PITPNM2: variants seen among roughly 807,000 people sequenced by gnomAD.
The protein encoded by PITPNM2 is membrane-associated phosphatidylinositol transfer protein 2.
Under a neutral mutation model 132.2 loss-of-function variants are expected in PITPNM2, and 35 were observed. The ratio of observed to expected loss-of-function variants is 0.26; its 90% CI spans 0.20 to 0.35. The LOEUF (loss-of-function observed/expected upper bound fraction) is 0.35, where lower values mean the gene tolerates loss of function less well. PITPNM2 is among the 10% of genes least tolerant of loss of function. The probability of loss-of-function intolerance (pLI) is 1.00; values close to 1 mark genes in which losing one functional copy is unlikely to be tolerated. For synonymous variants in PITPNM2, 738 were observed against 799.2 expected, an observed-to-expected ratio of 0.92 and a Z score of 1.29; for missense variants, 1,332 against 1,912.0, an observed-to-expected ratio of 0.70 and a Z score of 5.66.
chr12:123,045,735 G>A (rs2040631183), intron 2 of PITPNM2, among the ~76,000 whole-genome samples: 1 of 152,206 alleles, frequency 6.6e-6, no homozygotes, highest in Non-Finnish European at 1.5e-5. Context: ...TGTGCAGCCT[G>A]CAAGGAGCGC....
chr12:123,066,520 G>T (rs2041421872), intron 2 of PITPNM2, among the ~76,000 whole-genome samples: 1 of 152,130 alleles, frequency 6.6e-6, no homozygotes. Context: ...TGTTGGGGGT[G>T]GGGGCATGAA....
intron 2 of PITPNM2, among the ~76,000 whole-genome samples, chr12:123,109,792 G>C (rs1225336700): frequency 6.6e-6 from 1 of 152,216 alleles, no homozygotes; most frequent in Non-Finnish European, 1.5e-5. Flanking sequence ...GAGAATAGCA[G>C]CCGTTGGGGC....
At position 123,064,356 on chromosome 12, in the gene PITPNM2, A is replaced by T. The variant is rs1348052437; in HGVS notation, c.-95-29671T>A. Among the ~76,000 whole-genome samples the T allele has an allele frequency of 6.6e-6, 1 of 152,180 alleles. No individual in the cohort carries two copies. The highest frequency in any genetic ancestry group is 1.5e-5 in the Non-Finnish European group (1 of 68,030). Reference sequence around the variant, plus strand: ...CCAGGGTGACACCAAACCGATCCCAACCAGCACCCCAAGGCCTGCAGCCCA... The same window carrying T: ...CCAGGGTGACACCAAACCGATCCCATCCAGCACCCCAAGGCCTGCAGCCCA... On this transcript the variant is annotated intron_variant, in intron 2 of 25. Transcript: ENST00000320201. The surrounding 1 kb of genome is among the most constrained non-coding windows in gnomAD (Gnocchi z 4.0).
intron 2 of PITPNM2, among the ~76,000 whole-genome samples, chr12:123,072,748 C>A (rs1342157075): frequency 6.6e-6 from 1 of 152,214 alleles, no homozygotes; most frequent in African/African-American, 2.4e-5. Context: ...GCAGAGAGGG[C>A]CACAAAGCTG....
intron 2 of PITPNM2, among the ~76,000 whole-genome samples, chr12:123,086,696 C>T (rs1020571938): frequency 2.6e-5 from 4 of 152,304 alleles, no homozygotes; most frequent in Middle Eastern, 3.4e-3. Flanking sequence ...AGTGGAGCCC[C>T]GATTCAAATT....
intron 2 of PITPNM2, among the ~76,000 whole-genome samples, chr12:123,045,942 C>T (rs530942519): frequency 1.3e-5 from 2 of 152,204 alleles, no homozygotes; most frequent in East Asian, 3.9e-4. Context: ...CAGACCCAGC[C>T]GTCCCTGGGT....
At position 123,111,609 on chromosome 12, in the gene PITPNM2, G is replaced by A. The variant is rs141025836; in HGVS notation, c.-199-1121C>T. On this transcript the variant is annotated intron_variant, in intron 1 of 25. Coordinates refer to ENST00000320201, the MANE Select transcript of PITPNM2 (RefSeq NM_020845.3). The surrounding 1 kb of genome is among the most constrained non-coding windows in gnomAD (Gnocchi z 4.1). Reference sequence around the variant, plus strand: ...AGTGGGAGGTGTGGCTGCAGGGAGCGGGCGGCTCTTCCAACCCCGCCACCG... The same window carrying A: ...AGTGGGAGGTGTGGCTGCAGGGAGCAGGCGGCTCTTCCAACCCCGCCACCG... 6.3e-3 allele frequency among the ~76,000 whole-genome samples: 960 copies of A among 152,290 alleles called. 17 individuals carry two copies. Among genetic ancestry groups the A allele is most frequent in the South Asian group, 0.047 (228 of 4,828 alleles).
chr12:123,048,225 G>T (rs902249531), intron 2 of PITPNM2, among the ~76,000 whole-genome samples: 8 of 152,260 alleles, frequency 5.3e-5, no homozygotes, highest in South Asian at 2.1e-4. Context: ...TCTGACACAT[G>T]CTACAACATG....
chr12:122,996,946 C>T (rs1441649640), intron 11 of PITPNM2, 36 bp from the exon 12 acceptor site: 1 of 1,521,386 alleles, frequency 6.6e-7, no homozygotes, highest in South Asian at 1.3e-5. Flanking sequence ...GGGCAGGCGG[C>T]TCCAGCTCAG....
At chr12:123,149,674 G>C (rs1000260308) in intron 1 of PITPNM2, 4 of 152,648 alleles carry the variant, frequency 2.6e-5, no homozygotes, top group Admixed American at 2.6e-4. Flanking sequence ...ACGGTGATAA[G>C]AGTTACACAG....
In PITPNM2 at chr12:123,005,751, T is replaced by C. The variant is rs1397430620; in HGVS notation, c.644-203A>G. On this transcript the variant is annotated intron_variant, in intron 6 of 25. Coordinates refer to ENST00000320201, the MANE Select transcript of PITPNM2 (RefSeq NM_020845.3). The surrounding 1 kb of genome is among the most constrained non-coding windows in gnomAD (Gnocchi z 6.2). ...GCTCACAGATAGTCTCACAAGCTCA[T>C]AGTGGTTCTATAATTAGAGTGGAGG... 9 of 589,260 alleles carry C rather than the reference T, an allele frequency of 1.5e-5. No individual in the cohort carries two copies. The highest frequency in any genetic ancestry group is 2.4e-5 in the Non-Finnish European group (8 of 334,840). 36.5% of individuals were successfully genotyped at this position (589,260 alleles called of 1,614,324 possible). A position where few individuals can be genotyped will look rare whatever the true frequency, so the allele number is the denominator to read the frequency against.
In PITPNM2 at chr12:122,995,644, G is replaced by A; in HGVS notation, c.1799C>T (p.Ser600Phe). 7 of 1,599,056 alleles carry A rather than the reference G, an allele frequency of 4.4e-6. No homozygotes were observed. The highest frequency in any genetic ancestry group is 5.9e-6 in the Non-Finnish European group (7 of 1,177,250). Residue 600 changes from serine (S) to phenylalanine (F), a missense_variant, in exon 14 of 26, where the codon TCC becomes TTC. Coordinates refer to ENST00000320201, the MANE Select transcript of PITPNM2 (RefSeq NM_020845.3). ...TGCTGCATTCATCAGGATGCCCGGGGACAGCAGGTCATTGTCCTGGAACGG... is the reference window on the plus strand; with the variant it reads ...TGCTGCATTCATCAGGATGCCCGGGAACAGCAGGTCATTGTCCTGGAACGG... ...VVSMQDNDLL[S>F]PGILMNAAHC...
intron 1 of PITPNM2, among the ~76,000 whole-genome samples, chr12:123,115,494 C>T (rs781438490): frequency 1.3e-5 from 2 of 152,100 alleles, no homozygotes; most frequent in Non-Finnish European, 2.9e-5. Context: ...ACAAGCCTTG[C>T]TGAACCATGC....
chr12:123,056,246 C>G (rs2041022155), intron 2 of PITPNM2, among the ~76,000 whole-genome samples: 1 of 152,212 alleles, frequency 6.6e-6, no homozygotes, highest in African/African-American at 2.4e-5. Context: ...TCTGGCATGA[C>G]AGTGGCCTCA....
Position 122,988,331 on chromosome 12 carries a change from G to A in PITPNM2, c.2900C>T (p.Ser967Phe), listed in dbSNP as rs544153521. Reference protein sequence around the residue: ...LLRQVMRHDNSSILELDGKEV... With the variant: ...LLRQVMRHDNFSILELDGKEV... ...CTTGCCATCCAGCTCCAAGATGCTG[G>A]AGTTGTCATGCCTCATGACCTGGGA... The change falls in exon 20 of 26, where the codon TCC (serine) becomes TTC (phenylalanine). Residue 967 changes from serine (S) to phenylalanine (F), a missense_variant. Physicochemically the swap from Ser to Phe is radical, Grantham distance 155. Around this residue, in one of 6 missense-constraint regions of PITPNM2, gnomAD observed 251 missense variants for 472.0 expected, o/e 0.53. Transcript: ENST00000320201. 1.9e-6 allele frequency: 3 copies of A among 1,613,386 alleles called. No homozygotes were observed. Among genetic ancestry groups the A allele is most frequent in the Non-Finnish European group, 2.5e-6 (3 of 1,179,986 alleles).
chr12:123,055,041 C>T lies in PITPNM2; in HGVS notation c.-95-20356G>A, dbSNP rs538983325. ...TCACACCACAGCACTCCAGCCTGGG[C>T]GAGAGAGCAAAACTCAGTCTCAAAA... is the stretch of plus-strand genomic sequence containing the variant. On this transcript the variant is annotated intron_variant, in intron 2 of 25. Transcript: ENST00000320201. Among the ~76,000 whole-genome samples the T allele has an allele frequency of 5.9e-5, 9 of 151,506 alleles. No homozygotes were observed. In the South Asian group the frequency reaches 8.3e-4, roughly 14 times the overall value.
intron 2 of PITPNM2, among the ~76,000 whole-genome samples, chr12:123,073,692 T>C (rs2041685696): frequency 6.6e-6 from 1 of 152,244 alleles, no homozygotes; most frequent in African/African-American, 2.4e-5. Flanking sequence ...GGAGCCACTC[T>C]GCTCCTATAG....
In PITPNM2 at chr12:123,044,915, G is replaced by A. The variant is rs2040604549; in HGVS notation, c.-95-10230C>T. The stretch of plus-strand genomic sequence containing the variant: ...GATCTTCCTGCCTCAGCCTCCTTAA[G>A]TAGCTGGGACCACAGGCATGTGTAC... On this transcript the variant is annotated intron_variant, in intron 2 of 25. Transcript: ENST00000320201. Among the ~76,000 whole-genome samples the A allele has an allele frequency of 2.0e-5, 3 of 152,254 alleles. No homozygotes were observed. The South Asian group carries it at 6.2e-4, about 32-fold the overall frequency.
rs745712359 is a variant in PITPNM2, at chr12:122,988,235, C to T, written c.2996G>A (p.Arg999Gln). The T allele has an allele frequency of 2.5e-6, 4 of 1,612,244 alleles. No individual in the cohort carries two copies. The highest frequency in any genetic ancestry group is 1.3e-5 in the African/African-American group (1 of 74,914). ...CCTGGGCGCCCGGGGGACCCTCACCCGCAGCTTCACGTGGGTCCGCTTGCG... is the reference window on the plus strand; with the variant it reads ...CCTGGGCGCCCGGGGGACCCTCACCTGCAGCTTCACGTGGGTCCGCTTGCG... ...WQRKRTHVKL[R>Q]NVTANHRIND... The change falls in exon 20 of 26, where the codon CGG (arginine) becomes CAG (glutamine). Residue 999 changes from arginine (R) to glutamine (Q), a missense_variant and splice_region_variant. Arg to Gln is a conservative substitution (Grantham distance 43). Transcript: ENST00000320201.
Sources: allele counts gnomAD v4.1 joint callset (sites outside exome capture counted in the v4.1 genomes callset), GRCh38; gene constraint gnomAD v4.1.1; regional missense constraint gnomAD v4.1.1; non-coding constraint Gnocchi (gnomAD v3.1); transcripts MANE v1.5; gene names NCBI Gene and HGNC (gene_info 2026-07-23, HGNC 2026-07-21).